Variants in DAGLB observed in about 807,000 individuals in gnomAD.
DAGLB encodes diacylglycerol lipase-beta.
Under a neutral mutation model 72.1 loss-of-function variants are expected in DAGLB, and 66 were observed. The ratio of observed to expected loss-of-function variants is 0.92; its 90% CI spans 0.75 to 1.12. The LOEUF (loss-of-function observed/expected upper bound fraction) is 1.12. Among genes scored for constraint, DAGLB ranks in the 50% most tolerant of loss-of-function variants. The pLI is 0.00. For missense variants in DAGLB, 1,065 were observed against 884.9 expected, an observed-to-expected ratio of 1.20 and a Z score of -2.58; for synonymous variants, 414 against 359.5, an observed-to-expected ratio of 1.15 and a Z score of -1.71.
At chr7:6,434,675 C>A in intron 4 of DAGLB, 87 bp downstream of exon 4, 1 of 1,574,048 alleles carries the variant, frequency 6.4e-7, no homozygotes, top group Admixed American at 1.8e-5. Context: ...TTCTCAAACG[C>A]GGTTTTATGG....
In DAGLB at chr7:6,434,969, A is replaced by T; in HGVS notation, c.471T>A (p.Pro157=). Residue 157 remains proline (P), a synonymous_variant, in exon 4 of 15, where the codon CCT becomes CCA. Transcript: ENST00000297056. ...AATATGGAGCCATTTTCCCCCCAAGAGGGTCAAAGACAATGATAATGGAAA... is the reference window on the plus strand; with the variant it reads ...AATATGGAGCCATTTTCCCCCCAAGTGGGTCAAAGACAATGATAATGGAAA... The part of the protein sequence containing the change: ...TVVSIIIVFD[P]LGGKMAPYSS... 1 of 1,614,018 alleles carries T rather than the reference A, an allele frequency of 6.2e-7. No individual in the cohort carries two copies. The highest frequency in any genetic ancestry group is 8.5e-7 in the Non-Finnish European group (1 of 1,179,984).
At chr7:6,416,069 G>A (rs1310930926) in intron 11 of DAGLB, among the ~76,000 whole-genome samples, 2 of 152,086 alleles carry the variant, frequency 1.3e-5, no homozygotes, top group African/African-American at 4.8e-5. Flanking sequence ...TGTGGGGAGG[G>A]AGGGTATGAG....
chr7:6,418,355 T>C (rs1381958030), intron 9 of DAGLB, among the ~76,000 whole-genome samples: 1 of 151,806 alleles, frequency 6.6e-6, no homozygotes, highest in Non-Finnish European at 1.5e-5. Context: ...GGTGGCACAG[T>C]GAGACTCTTT....
intron 6 of DAGLB, among the ~76,000 whole-genome samples, chr7:6,427,837 A>T (rs1202608523): frequency 6.6e-6 from 1 of 152,238 alleles, no homozygotes; most frequent in African/African-American, 2.4e-5. Flanking sequence ...ATGGGGTCAT[A>T]TGAAAAGAAC....
At position 6,410,317 on chromosome 7, in the gene DAGLB, T is replaced by C. The variant is rs1463003111; in HGVS notation, c.1633A>G (p.Thr545Ala). The change falls in exon 14 of 15, where the codon ACG (threonine) becomes GCG (alanine). Residue 545 changes from threonine (T) to alanine (A), a missense_variant. Thr to Ala is a moderately conservative substitution (Grantham distance 58). Transcript: ENST00000297056. ...LFGGNPNNLP[T>A]ELDGGDQEVL... ...TCCTGGTCGCCCCCGTCCAGCTCCG[T>C]GGGCAAGTTGTTGGGGTTTCCTCCA... 1 of 1,613,972 alleles carries C rather than the reference T, an allele frequency of 6.2e-7. No individual in the cohort carries two copies. Among genetic ancestry groups the C allele is most frequent in the African/African-American group, 1.3e-5 (1 of 74,912 alleles).
chr7:6,413,421 G>C (rs765179310), intron 11 of DAGLB, among the ~76,000 whole-genome samples: 2 of 152,164 alleles, frequency 1.3e-5, no homozygotes, highest in Non-Finnish European at 2.9e-5. Context: ...ACAAGGTCAG[G>C]AGATTGAAAC....
rs760267300 is a variant in DAGLB at position 6,436,546 on chromosome 7, A to C, written c.248-13T>G. On this transcript the variant is annotated splice_polypyrimidine_tract_variant and intron_variant, in intron 2 of 14. Transcript: ENST00000297056. ...TTACAAATCGTTCCTGAAATACAAAAAACGTTCCGACTGCTCAGTTGCTTC... is the reference window on the plus strand; with the variant it reads ...TTACAAATCGTTCCTGAAATACAAACAACGTTCCGACTGCTCAGTTGCTTC... 1.2e-6 allele frequency: 2 copies of C among 1,613,728 alleles called. No homozygotes were observed. Among genetic ancestry groups the C allele is most frequent in the East Asian group, 4.5e-5 (2 of 44,880 alleles).
intron 2 of DAGLB, among the ~76,000 whole-genome samples, chr7:6,443,954 G>A (rs565394557): frequency 2.0e-5 from 3 of 152,220 alleles, no homozygotes; most frequent in East Asian, 3.9e-4. Context: ...ACAGAAAACT[G>A]TAACACATAT....
At chr7:6,436,666 T>C (rs1784668793) in intron 2 of DAGLB, 133 bp from the exon 3 acceptor site, 3 of 1,096,422 alleles carry the variant, frequency 2.7e-6, no homozygotes, top group Non-Finnish European at 2.6e-6. Flanking sequence ...TTTCTACTTA[T>C]AATTGGTAAT....
chr7:6,427,508 A>G (rs1316202483), intron 6 of DAGLB, among the ~76,000 whole-genome samples: 2 of 152,158 alleles, frequency 1.3e-5, no homozygotes, highest in Middle Eastern at 3.2e-3. Flanking sequence ...ATTTTTAAAA[A>G]TTATCTGGGT....
At chr7:6,415,660 C>T (rs836507) in intron 11 of DAGLB, among the ~76,000 whole-genome samples, 73,607 of 150,452 alleles carry the variant, frequency 0.49, 20,774 homozygotes, top group East Asian at 0.82. Context: ...CTGGCTAACA[C>T]GGTGAAACCC....
Position 6,412,845 on chromosome 7 carries a change from A to G in DAGLB, c.1535T>C (p.Ile512Thr). 1.2e-6 allele frequency: 2 copies of G among 1,603,424 alleles called. No individual in the cohort carries two copies. The highest frequency in any genetic ancestry group is 1.7e-6 in the Non-Finnish European group (2 of 1,173,874). Residue 512 changes from isoleucine (I) to threonine (T), a missense_variant, in exon 13 of 15, where the codon ATC becomes ACC. Ile to Thr is a moderately conservative substitution (Grantham distance 89, BLOSUM62 -1). Coordinates refer to ENST00000297056, the MANE Select transcript of DAGLB (RefSeq NM_139179.4). ...ATTGCAGTGCGCGACCACTCGCAAG[A>G]TTCTTCTCTTCAGATCTTCCAAGTT... ...VTNLEDLKRR[I>T]LRVVAHCNKP... is the part of the protein sequence containing the mutation.
chr7:6,414,518 C>T (rs573545704), intron 11 of DAGLB, among the ~76,000 whole-genome samples: 2 of 151,924 alleles, frequency 1.3e-5, no homozygotes, highest in African/African-American at 4.8e-5. Context: ...CCAGGCTGGT[C>T]TCGATCTCCT....
chr7:6,433,384 G>C (rs117139246), intron 4 of DAGLB, among the ~76,000 whole-genome samples: 339 of 152,254 alleles, frequency 2.2e-3, no homozygotes, highest in Middle Eastern at 0.014. Flanking sequence ...AGATTTATGA[G>C]ACTAAACTCA....
At chr7:6,416,978 G>A (rs1463921421) in intron 9 of DAGLB, 57 bp from the exon 10 acceptor site, 1 of 1,582,886 alleles carries the variant, frequency 6.3e-7, no homozygotes, top group Non-Finnish European at 8.7e-7. Context: ...AGGCCCAGCA[G>A]AGACTCAAAG....
intron 2 of DAGLB, among the ~76,000 whole-genome samples, chr7:6,440,344 A>C (rs1784790294): frequency 6.6e-6 from 1 of 151,456 alleles, no homozygotes; most frequent in Non-Finnish European, 1.5e-5. Flanking sequence ...AGATCATGCC[A>C]TTGCACTCCA....
At chr7:6,415,794 G>A (rs950386765) in intron 11 of DAGLB, among the ~76,000 whole-genome samples, 2 of 150,478 alleles carry the variant, frequency 1.3e-5, no homozygotes, top group South Asian at 2.1e-4. Flanking sequence ...GCAGTGAGCC[G>A]AGATCACGCC....
chr7:6,421,272 C>T (rs917116595), intron 9 of DAGLB, among the ~76,000 whole-genome samples: 48 of 151,988 alleles, frequency 3.2e-4, no homozygotes, highest in Non-Finnish European at 6.3e-4. Context: ...TTAGAACAAA[C>T]GAAATCCCAC....
chr7:6,433,696 T>C (rs1390848242), intron 4 of DAGLB, among the ~76,000 whole-genome samples: 1 of 151,992 alleles, frequency 6.6e-6, no homozygotes, highest in Non-Finnish European at 1.5e-5. Flanking sequence ...AAAAATTAGC[T>C]GGGCGTGGTG....
Sources: allele counts gnomAD v4.1 joint callset (sites outside exome capture counted in the v4.1 genomes callset), GRCh38; gene constraint gnomAD v4.1.1; transcripts MANE v1.5; gene names NCBI Gene and HGNC (gene_info 2026-07-23, HGNC 2026-07-21).